ACTR3B: variants seen among roughly 807,000 people sequenced by gnomAD.
ACTR3B encodes actin related protein 3B.
In ACTR3B, 8 loss-of-function variants were observed where a neutral mutation model predicts 59.0. The observed-to-expected ratio is 0.14, with a 90% CI of 0.08 to 0.24. ACTR3B has a LOEUF of 0.24. Among genes scored for constraint, ACTR3B ranks in the 10% least tolerant of loss-of-function variants. ACTR3B has a pLI of 1.00. For synonymous variants in ACTR3B, 148 were observed against 197.9 expected, an observed-to-expected ratio of 0.75 and a Z score of 2.12; for missense variants, 245 against 552.3, an observed-to-expected ratio of 0.44 and a Z score of 5.58.
Position 152,824,302 on chromosome 7 carries a change from A to G in ACTR3B, c.859-728A>G, listed in dbSNP as rs1039123217. 2.0e-5 allele frequency among the ~76,000 whole-genome samples: 3 copies of G among 152,214 alleles called. No homozygotes were observed. The highest frequency in any genetic ancestry group is 4.4e-5 in the Non-Finnish European group (3 of 68,050). ...AATAATGATAATCTAGTGAATGCTC[A>G]CTTTTAATATGTTGATTTGAAATGG... is the stretch of plus-strand genomic sequence containing the variant. On this transcript the variant is annotated intron_variant, in intron 8 of 11. Transcript: ENST00000256001. The surrounding 1 kb of genome is among the most constrained non-coding windows in gnomAD (Gnocchi z 4.2).
At chr7:152,845,374 G>C (rs2689542) in intron 9 of ACTR3B, among the ~76,000 whole-genome samples, 1 of 150,790 alleles carries the variant, frequency 6.6e-6, no homozygotes, top group Non-Finnish European at 1.5e-5. Context: ...AGGCCATCCC[G>C]AATCTTGCCA....
chr7:152,759,848 G>T lies in ACTR3B; in HGVS notation c.-35G>T, dbSNP rs921502409. The T allele has an allele frequency of 1.1e-5, 14 of 1,246,732 alleles. No individual in the cohort carries two copies. In the African/African-American group the frequency reaches 1.4e-4, roughly 12 times the overall value. 77.2% of individuals were successfully genotyped at this position (1,246,732 alleles called of 1,614,324 possible). A position where few individuals can be genotyped will look rare whatever the true frequency, so the allele number is the denominator to read the frequency against. The stretch of plus-strand genomic sequence containing the variant: ...GCGGACGGCGACGGGGCGCTCTCGG[G>T]CTGCCGGCGGGGCCGAGCGCCGCGC... On this transcript the variant is annotated 5_prime_UTR_variant, in exon 1 of 12. Coordinates refer to ENST00000256001, the MANE Select transcript of ACTR3B (RefSeq NM_020445.6).
intron 2 of ACTR3B, 41 bp from the exon 3 acceptor site, chr7:152,800,490 T>C (rs370394426): frequency 2.2e-5 from 36 of 1,605,280 alleles, no homozygotes; most frequent in Admixed American, 5.1e-5. Context: ...TAAATAGATA[T>C]GGATAGTGAT....
At position 152,854,911 on chromosome 7, in the gene ACTR3B, G is replaced by T. The variant is rs184834948; in HGVS notation, c.*358G>T. The T allele has an allele frequency of 1.1e-3, 214 of 186,774 alleles. 1 individual carries two copies. Among genetic ancestry groups the T allele is most frequent in the African/African-American group, 4.7e-3 (200 of 42,984 alleles). The allele number at this position is 186,774 out of a possible 1,614,324, so 11.6% of individuals were successfully genotyped here. On this transcript the variant is annotated 3_prime_UTR_variant, in exon 12 of 12. Coordinates refer to ENST00000256001, the MANE Select transcript of ACTR3B (RefSeq NM_020445.6). The surrounding 1 kb of genome is among the most constrained non-coding windows in gnomAD (Gnocchi z 4.9). ...CGCAAAATCGTTAGGTCCCAGGAGA[G>T]AATGTGGGGGCGCAAACCCTTTTCC...
intron 9 of ACTR3B, among the ~76,000 whole-genome samples, chr7:152,831,057 G>A (rs1016470307): frequency 6.6e-6 from 1 of 152,204 alleles, no homozygotes; most frequent in South Asian, 2.1e-4. Context: ...AGGTTCCAGA[G>A]CTCTGCTCTT....
At chr7:152,848,743 G>C (rs1228965729) in intron 9 of ACTR3B, among the ~76,000 whole-genome samples, 1 of 152,186 alleles carries the variant, frequency 6.6e-6, no homozygotes, top group Non-Finnish European at 1.5e-5. Flanking sequence ...GGTATGCAGT[G>C]TGTCTGAAAG....
At chr7:152,846,335 C>T (rs184136154) in intron 9 of ACTR3B, among the ~76,000 whole-genome samples, 2,098 of 134,944 alleles carry the variant, frequency 0.016, 46 homozygotes, top group African/African-American at 0.055. Flanking sequence ...CTCTAGTGCC[C>T]GGGCTGTAGT....
chr7:152,792,743 A>G (rs1231611200), intron 2 of ACTR3B, among the ~76,000 whole-genome samples: 2 of 152,056 alleles, frequency 1.3e-5, no homozygotes, highest in African/African-American at 2.4e-5. Context: ...GCGATACTCC[A>G]TCTCAAAAAC....
Position 152,800,948 on chromosome 7 carries a change from A to G in ACTR3B, c.225+293A>G, listed in dbSNP as rs558820554. 2.0e-5 allele frequency among the ~76,000 whole-genome samples: 3 copies of G among 152,414 alleles called. No homozygotes were observed. In the South Asian group the frequency reaches 6.2e-4, roughly 32 times the overall value. On this transcript the variant is annotated intron_variant, in intron 3 of 11. Transcript: ENST00000256001. Reference sequence around the variant, plus strand: ...GTTGACAGGTTGACTAACCTGTCAGATGAGGGAAAATTGCAGATTGGTTAA... The same window carrying G: ...GTTGACAGGTTGACTAACCTGTCAGGTGAGGGAAAATTGCAGATTGGTTAA...
chr7:152,842,631 T>A (rs918847305), intron 9 of ACTR3B, among the ~76,000 whole-genome samples: 1 of 152,192 alleles, frequency 6.6e-6, no homozygotes, highest in Non-Finnish European at 1.5e-5. Context: ...GACCCTTCTT[T>A]CTGCTGGGAG....
intron 2 of ACTR3B, among the ~76,000 whole-genome samples, chr7:152,785,722 G>A (rs372345728): frequency 0.029 from 1,470 of 51,520 alleles, 29 homozygotes; most frequent in Middle Eastern, 0.071. Context: ...CTTTCTCTGC[G>A]TGGCATGGAG....
At chr7:152,825,612 C>T (rs555221577) in intron 9 of ACTR3B, among the ~76,000 whole-genome samples, 192 of 152,234 alleles carry the variant, frequency 1.3e-3, no homozygotes, top group Non-Finnish European at 1.9e-3. Context: ...CCACCATGCC[C>T]GGCCAACTGG....
At chr7:152,768,041 C>T (rs1282542249) in intron 1 of ACTR3B, among the ~76,000 whole-genome samples, 1 of 152,154 alleles carries the variant, frequency 6.6e-6, no homozygotes, top group East Asian at 1.9e-4. Context: ...GCCAACATGG[C>T]AAAACCCTGT....
chr7:152,827,055 C>T (rs1275637341), intron 9 of ACTR3B, among the ~76,000 whole-genome samples: 2 of 149,910 alleles, frequency 1.3e-5, no homozygotes, highest in Non-Finnish European at 3.0e-5. Context: ...GATCACAGCT[C>T]ACTGCAGCCT....
chr7:152,793,329 T>C, intron 2 of ACTR3B, among the ~76,000 whole-genome samples: 1 of 11,724 alleles, frequency 8.5e-5, no homozygotes, highest in Admixed American at 1.1e-3. Context: ...CTGGGCTCTG[T>C]TTTTTTTTTT....
chr7:152,823,993 A>G (rs1796385511), intron 8 of ACTR3B, among the ~76,000 whole-genome samples: 1 of 152,250 alleles, frequency 6.6e-6, no homozygotes, highest in Non-Finnish European at 1.5e-5. Flanking sequence ...TAAGGCCAGC[A>G]TTTCTATTAT....
intron 3 of ACTR3B, 132 bp downstream of exon 3, chr7:152,800,787 T>G: frequency 1.7e-6 from 2 of 1,166,526 alleles, no homozygotes; most frequent in Non-Finnish European, 2.3e-6. Flanking sequence ...TGAATAGAGG[T>G]GGTGGTGATG....
At chr7:152,771,722 T>A (rs1275102513) in intron 1 of ACTR3B, among the ~76,000 whole-genome samples, 1 of 152,236 alleles carries the variant, frequency 6.6e-6, no homozygotes, top group Non-Finnish European at 1.5e-5. Flanking sequence ...AAGGACTCAC[T>A]GTGAACTGTA....
intron 9 of ACTR3B, among the ~76,000 whole-genome samples, chr7:152,829,042 G>GTA (rs1246465902): frequency 7.0e-6 from 1 of 143,884 alleles, no homozygotes; most frequent in African/African-American, 2.9e-5. Context: ...TTGTGTGTGT[G>GTA]TGTATATATA....
Sources: allele counts gnomAD v4.1 joint callset (sites outside exome capture counted in the v4.1 genomes callset), GRCh38; gene constraint gnomAD v4.1.1; non-coding constraint Gnocchi (gnomAD v3.1); transcripts MANE v1.5; gene names NCBI Gene and HGNC (gene_info 2026-07-23, HGNC 2026-07-21).